The following EIF2B3 variants were observed in gnomAD, a reference collection of about 807,000 sequenced individuals.
EIF2B3 encodes translation initiation factor eIF2B subunit gamma.
Under a neutral mutation model 54.1 loss-of-function variants are expected in EIF2B3, and 20 were observed. The ratio of observed to expected loss-of-function variants is 0.37; its 90% confidence interval spans 0.26 to 0.54. EIF2B3 has a LOEUF of 0.54. Ranked by LOEUF, EIF2B3 falls within the 20% of genes least tolerant of loss-of-function variation. The probability of loss-of-function intolerance (pLI) is 0.86; values close to 1 mark genes in which losing one functional copy is unlikely to be tolerated. For synonymous variants in EIF2B3, 153 were observed against 188.1 expected (o/e 0.81, Z 1.52); for missense variants, 448 against 547.8 (o/e 0.82, Z 1.82).
chr1:44,861,343 T>C (rs922560294), intron 10 of EIF2B3, among the ~76,000 whole-genome samples: 9 of 152,162 alleles, frequency 5.9e-5, no homozygotes, highest in Non-Finnish European at 1.0e-4. Context: ...TACTAGTTTA[T>C]AATGGAAAAG....
At chr1:44,859,644 G>A (rs1358623038) in intron 10 of EIF2B3, among the ~76,000 whole-genome samples, 2 of 151,724 alleles carry the variant, frequency 1.3e-5, no homozygotes, top group Non-Finnish European at 2.9e-5. Flanking sequence ...GGCGACAAGA[G>A]CAAAACTCTA....
chr1:44,868,397 CAAAAAAA>C (rs34094245), intron 10 of EIF2B3, among the ~76,000 whole-genome samples: 2 of 65,434 alleles, frequency 3.1e-5, no homozygotes, highest in East Asian at 4.5e-4. Context: ...GACTCCGTCT[CAAAAAAA>C]AAAAAAAAAA....
chr1:44,857,573 T>C, intron 11 of EIF2B3, 131 bp downstream of exon 11: 1 of 859,370 alleles, frequency 1.2e-6, no homozygotes, highest in South Asian at 1.4e-5. Context: ...TCTCCAAAGA[T>C]GGCTTTATCA....
rs570998030 is a variant in EIF2B3, at chr1:44,881,218, A to G, written c.784+394T>C. On this transcript the variant is annotated intron_variant, in intron 7 of 11. Coordinates refer to ENST00000360403, the MANE Select transcript of EIF2B3 (RefSeq NM_020365.5). The surrounding 1 kb of genome is among the most constrained non-coding windows in gnomAD (Gnocchi z 4.0). ...CTGGGTTGGCCTGTGGTTGGACTGC[A>G]ATTGTACATTCCTTCACTTTCCTTC... Among the ~76,000 whole-genome samples, 263 of 152,308 alleles carry G rather than the reference A, an allele frequency of 1.7e-3. No homozygotes were observed. The highest frequency in any genetic ancestry group is 6.2e-3 in the South Asian group (30 of 4,828).
chr1:44,918,905 C>A (rs148094261), intron 5 of EIF2B3, among the ~76,000 whole-genome samples: 9 of 152,148 alleles, frequency 5.9e-5, no homozygotes, highest in African/African-American at 1.7e-4. Flanking sequence ...TTCAGCTCTA[C>A]GTATTAGCTA....
chr1:44,935,136 A>G (rs188305128), intron 4 of EIF2B3, among the ~76,000 whole-genome samples: 2 of 152,384 alleles, frequency 1.3e-5, no homozygotes, highest in East Asian at 1.9e-4. Flanking sequence ...TTGGTTAAAT[A>G]AAGTTTCCTA....
chr1:44,975,376 C>T (rs189724903), intron 3 of EIF2B3, among the ~76,000 whole-genome samples: 60 of 151,996 alleles, frequency 3.9e-4, no homozygotes, highest in East Asian at 3.9e-4. Context: ...TTTCGTTGTG[C>T]GAACATCATA....
intron 8 of EIF2B3, 117 bp from the exon 9 acceptor site, chr1:44,875,812 C>T (rs1455892614): frequency 8.5e-6 from 7 of 822,714 alleles, no homozygotes; most frequent in Non-Finnish European, 1.4e-5. Flanking sequence ...CCCTCTCTTT[C>T]CACGGTCTCC....
intron 5 of EIF2B3, among the ~76,000 whole-genome samples, chr1:44,902,006 A>AT (rs1311598347): frequency 6.6e-6 from 1 of 152,176 alleles, no homozygotes; most frequent in African/African-American, 2.4e-5. Context: ...TTCTAAATCA[A>AT]TCTTTCTGCA....
At chr1:44,942,400 TA>T (rs1644037691) in intron 3 of EIF2B3, among the ~76,000 whole-genome samples, 2 of 19,270 alleles carry the variant, frequency 1.0e-4, no homozygotes, top group South Asian at 1.5e-3. Flanking sequence ...TATATATATA[TA>T]TATATATATA....
At chr1:44,932,194 T>C (rs1643902642) in intron 4 of EIF2B3, 1 of 151,932 alleles carries the variant, frequency 6.6e-6, no homozygotes, top group Middle Eastern at 3.2e-3. Context: ...ATATTCCTTT[T>C]AAAATCAGGA....
chr1:44,879,205 C>G (rs1403409659), intron 8 of EIF2B3, among the ~76,000 whole-genome samples: 2 of 152,126 alleles, frequency 1.3e-5, no homozygotes, highest in South Asian at 2.1e-4. Flanking sequence ...CTGTCCCCCT[C>G]TCCACCCCCT....
rs150311588 is a variant in EIF2B3, at chr1:44,946,666, T to C, written c.295-5001A>G. On this transcript the variant is annotated intron_variant, in intron 3 of 11. Coordinates refer to ENST00000360403, the MANE Select transcript of EIF2B3 (RefSeq NM_020365.5). ...TTTGTAGAGACGGGATCTCACTATG[T>C]TGCCAGGGCTGGTCTCAAACTCTTA... Among the ~76,000 whole-genome samples the C allele has an allele frequency of 4.8e-3, 720 of 150,548 alleles. 3 individuals carry two copies. The highest frequency in any genetic ancestry group is 7.8e-3 in the East Asian group (40 of 5,114).
intron 6 of EIF2B3, among the ~76,000 whole-genome samples, chr1:44,884,220 A>G (rs1436497399): frequency 1.3e-5 from 2 of 152,204 alleles, no homozygotes; most frequent in African/African-American, 4.8e-5. Context: ...ATGTGGAAGA[A>G]AGCCTGGAAT....
rs1171020644 is a variant in EIF2B3 at position 44,951,954 on chromosome 1, ATTTTTTTTTT to A, written c.295-10299_295-10290del. The stretch of plus-strand genomic sequence containing the variant: ...AGGGGCGCACCACCATGCCTGGCTA[ATTTTTTTTTT>A]TTTTTTTTTTTTTTTTGAGACGGAG... On this transcript the variant is annotated intron_variant, in intron 3 of 11. Transcript: ENST00000360403. Among the ~76,000 whole-genome samples, 8 of 44,674 alleles carry A rather than the reference ATTTTTTTTTT, an allele frequency of 1.8e-4. 1 individual carries two copies. The highest frequency in any genetic ancestry group is 6.3e-4 in the Admixed American group (2 of 3,170). The allele number at this position is 44,674 out of a possible 152,430, so 29.3% of individuals were successfully genotyped here. A position where few individuals can be genotyped will look rare whatever the true frequency, so the allele number is the denominator to read the frequency against.
chr1:44,920,018 C>A (rs1643707101), intron 5 of EIF2B3, among the ~76,000 whole-genome samples: 2 of 149,998 alleles, frequency 1.3e-5, no homozygotes, highest in Non-Finnish European at 1.5e-5. Flanking sequence ...CTGCACCCGG[C>A]CTGAATGTCC....
intron 6 of EIF2B3, among the ~76,000 whole-genome samples, chr1:44,889,626 G>T (rs1360390301): frequency 6.6e-6 from 1 of 151,186 alleles, no homozygotes; most frequent in Non-Finnish European, 1.5e-5. Context: ...AAGGAGTCTT[G>T]CTTTGTTCCA....
In EIF2B3 at chr1:44,984,797, C is replaced by CTTTTTTTTTTTTTTTTTTTTTTT. The variant is rs71040529; in HGVS notation, c.-10+1695_-10+1696insAAAAAAAAAAAAAAAAAAAAAAA. 1.8e-4 allele frequency among the ~76,000 whole-genome samples: 16 copies of CTTTTTTTTTTTTTTTTTTTTTTT among 88,534 alleles called. 3 individuals are homozygous for CTTTTTTTTTTTTTTTTTTTTTTT. In the East Asian group the frequency reaches 2.4e-3, roughly 13 times the overall value. The allele number at this position is 88,534 out of a possible 152,430, so 58.1% of individuals were successfully genotyped here. ...GTAAAGCAGACAAAATAATGTCCAT[C>CTTTTTTTTTTTTTTTTTTTTTTT]TTTTTTTTTTTTTTTTTTTTGAGAC... On this transcript the variant is annotated intron_variant, in intron 1 of 11. Coordinates refer to ENST00000360403, the MANE Select transcript of EIF2B3 (RefSeq NM_020365.5).
intron 1 of EIF2B3, among the ~76,000 whole-genome samples, chr1:44,985,603 T>A (rs576952704): frequency 1.3e-5 from 2 of 152,174 alleles, no homozygotes; most frequent in Non-Finnish European, 1.5e-5. Context: ...AACTCAAACA[T>A]GTGCATAAGG....
Sources: allele counts gnomAD v4.1 joint callset (sites outside exome capture counted in the v4.1 genomes callset), GRCh38; gene constraint gnomAD v4.1.1; non-coding constraint Gnocchi (gnomAD v3.1); transcripts MANE v1.5; gene names NCBI Gene and HGNC (gene_info 2026-07-23, HGNC 2026-07-21).